Variants in VPS9D1 observed in about 807,000 individuals in gnomAD.
The protein encoded by VPS9D1 is VPS9 domain containing 1.
Under a neutral mutation model 75.8 loss-of-function variants are expected in VPS9D1, and 78 were observed. The observed-to-expected ratio is 1.03, with a 90% CI of 0.86 to 1.24. The LOEUF is 1.24. Among genes scored for constraint, VPS9D1 ranks in the 50% most tolerant of loss-of-function variants. The pLI is 0.00. For synonymous variants in VPS9D1, 481 were observed against 385.6 expected (o/e 1.25, Z -2.90); for missense variants, 1,057 against 847.7 (o/e 1.25, Z -3.07).
chr16:89,709,968 T>A lies in VPS9D1; in HGVS notation c.1259-62A>T. ...CCTCCCCTGCTGGGTCAAGTGGCTC[T>A]AAGCCACGGGGCCTTTCTCCGCCCA... On this transcript the variant is annotated intron_variant, in intron 10 of 14. Coordinates refer to ENST00000389386, the MANE Select transcript of VPS9D1 (RefSeq NM_004913.3). 5 of 1,534,408 alleles carry A rather than the reference T, an allele frequency of 3.3e-6. No homozygotes were observed. In the South Asian group the frequency reaches 6.4e-5, roughly 20 times the overall value.
rs2377050 is a variant in VPS9D1 at position 89,717,954 on chromosome 16, T to G, written c.175+1073A>C. ...CCGACCTCTGTGCTCCCACGTCCAG[T>G]GGCTCCCCCGACCTCTGTGCTCCCA... On this transcript the variant is annotated intron_variant, in intron 2 of 14. Transcript: ENST00000389386. 2.0e-4 allele frequency: 86 copies of G among 434,186 alleles called. No homozygotes were observed. The Middle Eastern group carries it at 3.3e-3, about 17-fold the overall frequency. The allele number at this position is 434,186 out of a possible 1,614,324, so 26.9% of individuals were successfully genotyped here. A position where few individuals can be genotyped will look rare whatever the true frequency, so the allele number is the denominator to read the frequency against.
chr16:89,709,023 C>CCGCT, intron 12 of VPS9D1, 67 bp from the exon 13 acceptor site: 2 of 1,408,914 alleles, frequency 1.4e-6, no homozygotes, highest in Non-Finnish European at 1.9e-6. Context: ...CCCTTATACC[C>CCGCT]CGCCCACCCA....
In VPS9D1 at chr16:89,707,868, G is replaced by T; in HGVS notation, c.1889C>A (p.Ala630Asp). The part of the protein sequence containing the change: ...YVELLPRGGL[A>D]K ...CCCTGGGCTCTAGCTGTACTACTTG[G>T]CCAGGCCTCCCCGGGGCAGCAGCTC... is the stretch of plus-strand genomic sequence containing the variant. Residue 630 changes from alanine (A) to aspartate (D), a missense_variant, in exon 15 of 15, where the codon GCC (alanine) becomes GAC (aspartate). Physicochemically the swap from Ala to Asp is moderately radical, Grantham distance 126 (BLOSUM62 -2). Transcript: ENST00000389386. The T allele has an allele frequency of 6.2e-7, 1 of 1,613,048 alleles. No homozygotes were observed. The highest frequency in any genetic ancestry group is 8.5e-7 in the Non-Finnish European group (1 of 1,179,930).
intron 14 of VPS9D1, 86 bp from the exon 15 acceptor site, chr16:89,708,040 A>G (rs1597898643): frequency 2.9e-6 from 4 of 1,361,974 alleles, no homozygotes; most frequent in Middle Eastern, 1.8e-4. Flanking sequence ...CTGCCCTCCC[A>G]GTTCAGGACC....
intron 1 of VPS9D1, among the ~76,000 whole-genome samples, chr16:89,720,140 C>T (rs2061211605): frequency 6.6e-6 from 1 of 152,152 alleles, no homozygotes; most frequent in Non-Finnish European, 1.5e-5. Context: ...CACCTGCTGC[C>T]CTAAAAACCA....
chr16:89,710,588 A>T lies in VPS9D1; in HGVS notation c.1256T>A (p.Val419Glu). The change falls in exon 10 of 15, where the codon GTA becomes GAA. Residue 419 changes from valine (V) to glutamate (E), a missense_variant and splice_region_variant. Coordinates refer to ENST00000389386, the MANE Select transcript of VPS9D1 (RefSeq NM_004913.3). Reference sequence around the variant, plus strand: ...TCCCAGGGAGGGCCTGGCCTCACCTACGGCATTGTGGATCTCCTCCACCGC... The same window carrying T: ...TCCCAGGGAGGGCCTGGCCTCACCTTCGGCATTGTGGATCTCCTCCACCGC... ...KTAVEEIHNA[V>E]DRLLSLTLLA... is the part of the protein sequence containing the mutation. The T allele has an allele frequency of 6.3e-7, 1 of 1,594,692 alleles. No individual in the cohort carries two copies. Among genetic ancestry groups the T allele is most frequent in the Non-Finnish European group, 8.6e-7 (1 of 1,165,600 alleles).
chr16:89,712,938 C>T (rs2060972198), intron 4 of VPS9D1: 1 of 442,590 alleles, frequency 2.3e-6, no homozygotes, highest in Non-Finnish European at 4.0e-6. Flanking sequence ...AATGCCAGCA[C>T]TTTAGGAGGC....
chr16:89,712,312 A>C, intron 6 of VPS9D1, 148 bp downstream of exon 6: 1 of 1,363,004 alleles, frequency 7.3e-7, no homozygotes, highest in Non-Finnish European at 1.0e-6. Flanking sequence ...CCTTCCCCTG[A>C]GACCCTGCCT....
intron 8 of VPS9D1, 107 bp downstream of exon 8, chr16:89,711,775 C>T: frequency 1.5e-6 from 2 of 1,333,378 alleles, no homozygotes; most frequent in Non-Finnish European, 2.0e-6. Context: ...CCTCACTGCC[C>T]CCCACAGCCT....
chr16:89,712,642 C>G lies in VPS9D1; in HGVS notation c.506G>C (p.Arg169Pro), dbSNP rs774054336. 1 of 1,611,248 alleles carries G rather than the reference C, an allele frequency of 6.2e-7. No homozygotes were observed. The highest frequency in any genetic ancestry group is 1.7e-5 in the Admixed American group (1 of 59,808). Residue 169 changes from arginine to proline, a missense_variant, in exon 5 of 15, where the codon CGG becomes CCG. Transcript: ENST00000389386. Reference protein sequence around the residue: ...LKAAYEARMARLDPSQAMQKT... With the variant: ...LKAAYEARMAPLDPSQAMQKT... ...CTGCATGGCCTGGCTGGGGTCTAGC[C>G]GCGCCATTCGGGCCTCATACGCAGC...
chr16:89,711,747 G>A (rs1274009800), intron 8 of VPS9D1, 135 bp downstream of exon 8: 50 of 975,154 alleles, frequency 5.1e-5, no homozygotes, highest in East Asian at 3.7e-4. Flanking sequence ...GCCCTCCCAC[G>A]GGCCTCTGGC....
At chr16:89,720,495 C>A in intron 1 of VPS9D1, 1 of 1,127,802 alleles carries the variant, frequency 8.9e-7, no homozygotes, top group Non-Finnish European at 1.1e-6. Flanking sequence ...CCTGCTACAT[C>A]TCCTCTACAG....
At position 89,709,304 on chromosome 16, in the gene VPS9D1, T is replaced by C. The variant is rs760271026; in HGVS notation, c.1520A>G (p.Tyr507Cys). 2 of 1,607,256 alleles carry C rather than the reference T, an allele frequency of 1.2e-6. No individual in the cohort carries two copies. Among genetic ancestry groups the C allele is most frequent in the South Asian group, 2.2e-5 (2 of 90,704 alleles). Reference sequence around the variant, plus strand: ...CTCCTGGGCCGCCGCGCAGTAGGGGTAGCCAGTGGCCCCCTTGGCCTCAGG... The same window carrying C: ...CTCCTGGGCCGCCGCGCAGTAGGGGCAGCCAGTGGCCCCCTTGGCCTCAGG... ...QNPEAKGATG[Y>C]PYCAAAQELG... Residue 507 changes from tyrosine to cysteine, a missense_variant, in exon 12 of 15, where the codon TAC becomes TGC. Tyr to Cys is a radical substitution (Grantham distance 194). Transcript: ENST00000389386.
At chr16:89,717,712 C>G (rs1201389205) in intron 2 of VPS9D1, 1 of 456,482 alleles carries the variant, frequency 2.2e-6, no homozygotes, top group African/African-American at 2.0e-5. Flanking sequence ...TCTTCTGGGA[C>G]TTTGCTCTCC....
At chr16:89,710,031 C>G in intron 10 of VPS9D1, 125 bp from the exon 11 acceptor site, 2 of 1,343,832 alleles carry the variant, frequency 1.5e-6, no homozygotes, top group Non-Finnish European at 2.0e-6. Context: ...CTCCTGCACC[C>G]ACCCCTGACC....
In VPS9D1 at chr16:89,712,673, G is replaced by A. The variant is rs367846296; in HGVS notation, c.475C>T (p.Leu159=). 1.9e-6 allele frequency: 3 copies of A among 1,611,878 alleles called. No individual in the cohort carries two copies. Among genetic ancestry groups the A allele is most frequent in the Non-Finnish European group, 2.5e-6 (3 of 1,178,760 alleles). The change falls in exon 5 of 15, where the codon CTG becomes TTG. Residue 159 remains leucine, a synonymous_variant. Coordinates refer to ENST00000389386, the MANE Select transcript of VPS9D1 (RefSeq NM_004913.3). The stretch of plus-strand genomic sequence containing the variant: ...ATTCGGGCCTCATACGCAGCCTTCA[G>A]CTTCTGATTCTGCAGGGAGGCCTCC... ...LEEASLQNQK[L]KAAYEARMAR...
Position 89,712,027 on chromosome 16 carries a change from G to A in VPS9D1, c.659+20C>T, listed in dbSNP as rs60764676. The A allele has an allele frequency of 5.2e-6, 8 of 1,549,052 alleles. No homozygotes were observed. In the African/African-American group the frequency reaches 6.9e-5, roughly 13 times the overall value. On this transcript the variant is annotated intron_variant, in intron 7 of 14. Coordinates refer to ENST00000389386, the MANE Select transcript of VPS9D1 (RefSeq NM_004913.3). ...CCAGGCCCTCCCCGCAGCGGCCCCAGGGGCGGGCAGGAGTCCCACCTGTTG... is the reference window on the plus strand; with the variant it reads ...CCAGGCCCTCCCCGCAGCGGCCCCAAGGGCGGGCAGGAGTCCCACCTGTTG...
chr16:89,719,169 A>G (rs775660548), intron 1 of VPS9D1, 67 bp from the exon 2 acceptor site: 12 of 1,485,802 alleles, frequency 8.1e-6, no homozygotes, highest in Non-Finnish European at 1.0e-5. Context: ...TATTCCGGCC[A>G]GGTGCCCTTG....
intron 10 of VPS9D1, 101 bp downstream of exon 10, chr16:89,710,485 G>T: frequency 7.6e-7 from 1 of 1,308,298 alleles, no homozygotes; most frequent in Non-Finnish European, 1.0e-6. Flanking sequence ...TCTGATCAGA[G>T]TCTCTGATCA....
Sources: gnomAD v4.1 joint callset for allele counts (sites outside exome capture counted in the v4.1 genomes callset) on GRCh38, gnomAD v4.1.1 for gene constraint, MANE v1.5 for transcripts, NCBI Gene and HGNC (gene_info 2026-07-23, HGNC 2026-07-21) for gene names.